GFM2: variants seen among roughly 807,000 people sequenced by gnomAD.
GFM2 encodes GTP dependent ribosome recycling factor mitochondrial 2, also known as ribosome-releasing factor 2, mitochondrial.
GFM2 carries 72 observed loss-of-function variants against 95.4 expected under a neutral mutation model. The observed-to-expected ratio is 0.76, with a 90% CI of 0.62 to 0.92. The LOEUF (loss-of-function observed/expected upper bound fraction) is 0.92. Among genes scored for constraint, GFM2 ranks in the 40% least tolerant of loss-of-function variants. The probability of loss-of-function intolerance (pLI) is 0.00; values close to 1 mark genes in which losing one functional copy is unlikely to be tolerated. For synonymous variants in GFM2, 276 were observed against 317.5 expected (o/e 0.87, Z 1.39); for missense variants, 825 against 924.1 (o/e 0.89, Z 1.39).
rs989837104 is a variant in GFM2, at chr5:74,746,184, T to C, written c.609-19A>G. On this transcript the variant is annotated intron_variant, in intron 8 of 20. Transcript: ENST00000296805. ...CTTAAAGCTGTAGAAAGCAAAATAA[T>C]TATAGTTAAAAACATGGTTAAAAAT... is the stretch of plus-strand genomic sequence containing the variant. 1 of 1,376,540 alleles carries C rather than the reference T, an allele frequency of 7.3e-7. No individual in the cohort carries two copies. Among genetic ancestry groups the C allele is most frequent in the Non-Finnish European group, 9.7e-7 (1 of 1,035,018 alleles). The allele number at this position is 1,376,540 out of a possible 1,614,324, so 85.3% of individuals were successfully genotyped here.
At chr5:74,735,930 G>A (rs1292529656) in intron 15 of GFM2, among the ~76,000 whole-genome samples, 3 of 152,166 alleles carry the variant, frequency 2.0e-5, no homozygotes, top group African/African-American at 4.8e-5. Flanking sequence ...GCAACAGGCT[G>A]CCATATGTCT....
intron 7 of GFM2, among the ~76,000 whole-genome samples, chr5:74,749,044 C>A (rs1458348995): frequency 6.6e-6 from 1 of 151,340 alleles, no homozygotes; most frequent in African/African-American, 2.4e-5. Flanking sequence ...GGGTCTCACT[C>A]TGTTGCCCAG....
intron 7 of GFM2, among the ~76,000 whole-genome samples, chr5:74,749,970 T>A (rs1429767163): frequency 6.6e-6 from 1 of 152,162 alleles, no homozygotes; most frequent in East Asian, 1.9e-4. Flanking sequence ...ATGAGGTATG[T>A]GTGTGAGGCG....
At chr5:74,726,434 T>C (rs569790665) in intron 17 of GFM2, among the ~76,000 whole-genome samples, 4 of 152,316 alleles carry the variant, frequency 2.6e-5, no homozygotes, top group East Asian at 3.9e-4. Flanking sequence ...TTGTAGGTGA[T>C]TGAAATCCTC....
At chr5:74,723,712 C>T (rs1040495595) in intron 19 of GFM2, among the ~76,000 whole-genome samples, 1 of 152,094 alleles carries the variant, frequency 6.6e-6, no homozygotes, top group South Asian at 2.1e-4. Context: ...ACACAACTCC[C>T]CTGCCTTCAT....
intron 17 of GFM2, among the ~76,000 whole-genome samples, chr5:74,726,495 A>T (rs1157744106): frequency 6.6e-6 from 1 of 152,232 alleles, no homozygotes; most frequent in African/African-American, 2.4e-5. Flanking sequence ...ACCTTTACAA[A>T]TATAAAAGGT....
chr5:74,759,634 T>G (rs927998211), intron 3 of GFM2, among the ~76,000 whole-genome samples: 1 of 152,128 alleles, frequency 6.6e-6, no homozygotes, highest in African/African-American at 2.4e-5. Context: ...GGTAAAAGTT[T>G]TAAACATCAA....
chr5:74,736,304 T>A (rs1425300903), intron 15 of GFM2: 1 of 904,354 alleles, frequency 1.1e-6, no homozygotes, highest in Non-Finnish European at 1.3e-6. Flanking sequence ...CTAGAAGTAA[T>A]GAGAAGCCAC....
At chr5:74,760,696 CG>C (rs1414268558) in intron 3 of GFM2, among the ~76,000 whole-genome samples, 5 of 152,188 alleles carry the variant, frequency 3.3e-5, no homozygotes, top group African/African-American at 1.2e-4. Flanking sequence ...AGTTCATCAG[CG>C]TGTTCCTCAG....
chr5:74,726,019 C>G lies in GFM2; in HGVS notation c.1834G>C (p.Ala612Pro), dbSNP rs1561234853. ...SVMPVIEFEY[A>P]ESINEGLLKV... is the part of the protein sequence containing the mutation. ...AAAAGGCCTTCATTGATACTTTCAG[C>G]ATACTCAAACTCAATCACAGGCATA... Residue 612 changes from alanine to proline, a missense_variant, in exon 18 of 21, where the codon GCT (alanine) becomes CCT (proline). Ala to Pro is a conservative substitution (Grantham distance 27, BLOSUM62 -1). Transcript: ENST00000296805. 1 of 1,576,884 alleles carries G rather than the reference C, an allele frequency of 6.3e-7. No individual in the cohort carries two copies.
At chr5:74,763,881 G>A (rs1457197744) in intron 1 of GFM2, 115 bp from the exon 2 acceptor site, 2 of 540,890 alleles carry the variant, frequency 3.7e-6, no homozygotes, top group East Asian at 5.9e-5. Context: ...CTTTTAAAAA[G>A]TTGGAACAAT....
intron 17 of GFM2, 120 bp downstream of exon 17, chr5:74,730,140 A>C: frequency 3.1e-6 from 3 of 960,664 alleles, no homozygotes; most frequent in Non-Finnish European, 4.5e-6. Context: ...CCCCACATAC[A>C]TAAAAACTGT....
At position 74,726,005 on chromosome 5, in the gene GFM2, A is replaced by C. The variant is rs1323546597; in HGVS notation, c.1848T>G (p.Asn616Lys). The C allele has an allele frequency of 6.2e-7, 1 of 1,601,430 alleles. No homozygotes were observed. Among genetic ancestry groups the C allele is most frequent in the Admixed American group, 1.7e-5 (1 of 58,824 alleles). ...CTTGGGAGACCTTCAAAAGGCCTTC[A>C]TTGATACTTTCAGCATACTCAAACT... ...VIEFEYAESI[N>K]EGLLKVSQEA... is the part of the protein sequence containing the mutation. Residue 616 changes from asparagine to lysine, a missense_variant, in exon 18 of 21, where the codon AAT (asparagine) becomes AAG (lysine). By Grantham distance (94) the Asn-to-Lys change is moderately conservative. Coordinates refer to ENST00000296805, the MANE Select transcript of GFM2 (RefSeq NM_032380.5).
chr5:74,738,743 A>C lies in GFM2; in HGVS notation c.1080-101T>G, dbSNP rs540786091. On this transcript the variant is annotated intron_variant, in intron 12 of 20. Coordinates refer to ENST00000296805, the MANE Select transcript of GFM2 (RefSeq NM_032380.5). ...AAAGATCTATTTTATCTTCTAGTAG[A>C]GCTACTTAGAGCCACTAAATAATGT... 2.9e-6 allele frequency: 3 copies of C among 1,030,486 alleles called. No homozygotes were observed. In the African/African-American group the frequency reaches 4.9e-5, roughly 17 times the overall value. 63.8% of individuals were successfully genotyped at this position (1,030,486 alleles called of 1,614,324 possible).
At chr5:74,761,101 T>C in intron 2 of GFM2, 115 bp from the exon 3 acceptor site, 1 of 620,982 alleles carries the variant, frequency 1.6e-6, no homozygotes, top group Non-Finnish European at 2.9e-6. Flanking sequence ...AGCTTTAAAG[T>C]AGTCCTAATT....
chr5:74,754,602 TA>T (rs138941382), intron 5 of GFM2, among the ~76,000 whole-genome samples: 8 of 151,984 alleles, frequency 5.3e-5, no homozygotes, highest in Non-Finnish European at 1.0e-4. Context: ...AAGCAGCAGT[TA>T]AAAAAGACAA....
intron 5 of GFM2, among the ~76,000 whole-genome samples, chr5:74,755,223 T>C (rs564143828): frequency 3.3e-5 from 5 of 152,284 alleles, no homozygotes; most frequent in African/African-American, 7.2e-5. Flanking sequence ...TTCTCCCAGA[T>C]AGACCACAAG....
chr5:74,747,825 CTA>C (rs770699057), intron 7 of GFM2, 45 bp from the exon 8 acceptor site: 1 of 1,065,676 alleles, frequency 9.4e-7, no homozygotes, highest in Non-Finnish European at 1.4e-6. Context: ...ACAAAAGTAA[CTA>C]TGTTACTAGA....
intron 17 of GFM2, among the ~76,000 whole-genome samples, chr5:74,728,954 A>G (rs980821950): frequency 5.3e-5 from 8 of 151,780 alleles, no homozygotes; most frequent in South Asian, 2.1e-4. Context: ...CGGGGTCACC[A>G]TATTGGCCAG....
Sources: gnomAD v4.1 joint callset for allele counts (sites outside exome capture counted in the v4.1 genomes callset) on GRCh38, gnomAD v4.1.1 for gene constraint, MANE v1.5 for transcripts, NCBI Gene and HGNC (gene_info 2026-07-23, HGNC 2026-07-21) for gene names.